The following SYCP1 variants were observed in gnomAD, a reference collection of about 807,000 sequenced individuals.
SYCP1 encodes the protein synaptonemal complex protein 1, also known as cancer/testis antigen 8.
A neutral mutation model predicts 153.1 loss-of-function variants in SYCP1; 64 were observed. The ratio of observed to expected loss-of-function variants is 0.42; its 90% CI spans 0.34 to 0.51. The LOEUF (loss-of-function observed/expected upper bound fraction) is 0.51, where lower values mean the gene tolerates loss of function less well. Among genes scored for constraint, SYCP1 ranks in the 20% least tolerant of loss-of-function variants. SYCP1 has a pLI of 0.06. For synonymous variants in SYCP1, 384 were observed against 341.8 expected (o/e 1.12, Z -1.36); for missense variants, 997 against 1,049.0 (o/e 0.95, Z 0.68).
At chr1:114,880,016 T>A (rs543970628) in intron 12 of SYCP1, among the ~76,000 whole-genome samples, 55 of 152,330 alleles carry the variant, frequency 3.6e-4, no homozygotes, top group African/African-American at 1.1e-3. Context: ...TAAATATATA[T>A]TCGTCATTGA....
intron 12 of SYCP1, among the ~76,000 whole-genome samples, chr1:114,883,747 C>T (rs1319777380): frequency 6.6e-6 from 1 of 152,214 alleles, no homozygotes; most frequent in Non-Finnish European, 1.5e-5. Flanking sequence ...GGCTGGAGTG[C>T]AGTGGTGCAA....
chr1:114,854,804 T>A (rs926924606), upstream of SYCP1: 1 of 152,198 alleles, frequency 6.6e-6, no homozygotes. Context: ...ATTCAGGTCC[T>A]GGGAGCCTGG....
chr1:114,885,077 T>G (rs1363980852), intron 12 of SYCP1, among the ~76,000 whole-genome samples: 1 of 152,158 alleles, frequency 6.6e-6, no homozygotes, highest in African/African-American at 2.4e-5. Context: ...CATCGGGAGA[T>G]AAATTACTTT....
chr1:114,910,475 C>T lies in SYCP1; in HGVS notation c.1399C>T (p.Leu467=), dbSNP rs1321282870. 6 of 1,590,290 alleles carry T rather than the reference C, an allele frequency of 3.8e-6. No homozygotes were observed. The African/African-American group carries it at 6.8e-5, about 18-fold the overall frequency. ...AEELKGTEQE[L]IGLLQAREKE... ...AGAATTAAAAGGAACAGAACAAGAACTAATTGGTCTTCTCCAAGCCAGAGA... is the reference window on the plus strand; with the variant it reads ...AGAATTAAAAGGAACAGAACAAGAATTAATTGGTCTTCTCCAAGCCAGAGA... Residue 467 remains leucine (L), a synonymous_variant, in exon 17 of 32, where the codon CTA becomes TTA. Transcript: ENST00000369522.
chr1:114,938,944 C>A (rs778859047), intron 23 of SYCP1, among the ~76,000 whole-genome samples: 1 of 152,040 alleles, frequency 6.6e-6, no homozygotes, highest in Non-Finnish European at 1.5e-5. Context: ...TTGGAATTCT[C>A]GAGCACTGTT....
intron 27 of SYCP1, among the ~76,000 whole-genome samples, chr1:114,967,383 T>A (rs960374746): frequency 1.3e-5 from 2 of 152,238 alleles, no homozygotes; most frequent in African/African-American, 4.8e-5. Context: ...GTATTTAGGA[T>A]AGTTAGCTCT....
intron 27 of SYCP1, among the ~76,000 whole-genome samples, chr1:114,974,692 T>A (rs1398733563): frequency 6.6e-6 from 1 of 151,908 alleles, no homozygotes; most frequent in Non-Finnish European, 1.5e-5. Context: ...TGCATAATAT[T>A]CTATTATATG....
intron 23 of SYCP1, among the ~76,000 whole-genome samples, chr1:114,943,166 G>C (rs966891359): frequency 1.3e-5 from 2 of 151,864 alleles, no homozygotes; most frequent in African/African-American, 2.4e-5. Context: ...ATTTAAATTG[G>C]TATAAATGCA....
chr1:114,887,150 T>A (rs562946764), intron 14 of SYCP1, among the ~76,000 whole-genome samples: 1 of 152,164 alleles, frequency 6.6e-6, no homozygotes, highest in South Asian at 2.1e-4. Context: ...ATCCAGTGAT[T>A]TTTCATTTTT....
rs750023610 is a variant in SYCP1, at chr1:114,857,315, G to T, written c.237+40G>T. ...GTACATGTAGATATAATCTGTTTAG[G>T]TAATGAACTGCTTATTTGAAGACGA... On this transcript the variant is annotated intron_variant, in intron 4 of 31. Coordinates refer to ENST00000369522, the MANE Select transcript of SYCP1 (RefSeq NM_003176.4). 12 of 1,582,732 alleles carry T rather than the reference G, an allele frequency of 7.6e-6. No homozygotes were observed. The African/African-American group carries it at 1.5e-4, about 20-fold the overall frequency.
chr1:114,870,734 C>G (rs1665055207), intron 8 of SYCP1, among the ~76,000 whole-genome samples: 1 of 151,994 alleles, frequency 6.6e-6, no homozygotes, highest in Admixed American at 6.5e-5. Context: ...TATCCATTTA[C>G]TTTTATTCTA....
Position 114,857,295 on chromosome 1 carries a change from T to C in SYCP1, c.237+20T>C, listed in dbSNP as rs1390692037. 9 of 1,598,036 alleles carry C rather than the reference T, an allele frequency of 5.6e-6. No individual in the cohort carries two copies. The South Asian group carries it at 9.3e-5, about 16-fold the overall frequency. ...GAGCAGGTCAGTTAAGCATAGTACA[T>C]GTAGATATAATCTGTTTAGGTAATG... On this transcript the variant is annotated intron_variant, in intron 4 of 31. Transcript: ENST00000369522.
At chr1:114,870,225 G>C (rs1181802651) in intron 8 of SYCP1, among the ~76,000 whole-genome samples, 1 of 152,018 alleles carries the variant, frequency 6.6e-6, no homozygotes, top group Non-Finnish European at 1.5e-5. Context: ...GTTGCCTAGG[G>C]TGGTCTCGAA....
intron 30 of SYCP1, among the ~76,000 whole-genome samples, chr1:114,988,109 A>G (rs905822569): frequency 2.0e-5 from 3 of 150,442 alleles, no homozygotes; most frequent in Non-Finnish European, 4.4e-5. Flanking sequence ...AAAAGAAAAG[A>G]AAAGAAAAGT....
At position 114,868,628 on chromosome 1, in the gene SYCP1, A is replaced by G. The variant is rs575280974; in HGVS notation, c.599-5878A>G. 3.9e-5 allele frequency among the ~76,000 whole-genome samples: 6 copies of G among 152,320 alleles called. No individual in the cohort carries two copies. In the South Asian group the frequency reaches 1.2e-3, roughly 32 times the overall value. ...CTGAAAGAGATAGTAGAGAATTGGT[A>G]TAGTTTCTTCCTTAAATGTTTGTAG... On this transcript the variant is annotated intron_variant, in intron 8 of 31. Coordinates refer to ENST00000369522, the MANE Select transcript of SYCP1 (RefSeq NM_003176.4).
intron 13 of SYCP1, 33 bp from the exon 14 acceptor site, chr1:114,886,092 C>A: frequency 1.4e-6 from 2 of 1,475,692 alleles, no homozygotes; most frequent in Non-Finnish European, 1.8e-6. Flanking sequence ...GCCTTTGGAT[C>A]ATTGCTCTTG....
At chr1:114,952,936 C>T (rs1291812949) in intron 27 of SYCP1, among the ~76,000 whole-genome samples, 1 of 152,152 alleles carries the variant, frequency 6.6e-6, no homozygotes, top group Non-Finnish European at 1.5e-5. Context: ...ATGTATTTTT[C>T]TCACAGTTCT....
intron 27 of SYCP1, among the ~76,000 whole-genome samples, chr1:114,968,507 T>C (rs573785596): frequency 6.6e-6 from 1 of 152,358 alleles, no homozygotes; most frequent in East Asian, 1.9e-4. Flanking sequence ...GAAGTTCTCA[T>C]GCTGTGTTTT....
intron 16 of SYCP1, among the ~76,000 whole-genome samples, chr1:114,897,420 C>G (rs1667144431): frequency 6.6e-6 from 1 of 152,136 alleles, no homozygotes; most frequent in Admixed American, 6.5e-5. Flanking sequence ...TCAAAAATCC[C>G]AAGGCCTTTT....
Sources: allele counts gnomAD v4.1 joint callset (sites outside exome capture counted in the v4.1 genomes callset), GRCh38; gene constraint gnomAD v4.1.1; transcripts MANE v1.5; gene names NCBI Gene and HGNC (gene_info 2026-07-23, HGNC 2026-07-21).